The following PPP2R2C variants were observed in gnomAD, a reference collection of about 807,000 sequenced individuals.
PPP2R2C encodes protein phosphatase 2, regulatory subunit B, gamma.
PPP2R2C carries 10 observed loss-of-function variants against 45.3 expected under a neutral mutation model. The ratio of observed to expected loss-of-function variants is 0.22; its 90% CI spans 0.14 to 0.37. PPP2R2C has a LOEUF of 0.37. PPP2R2C is among the 10% of genes least tolerant of loss of function. The pLI, the probability that PPP2R2C is intolerant of heterozygous loss-of-function variation, is 1.00. For synonymous variants in PPP2R2C, 257 were observed against 245.4 expected (o/e 1.05, Z -0.44); for missense variants, 308 against 619.7 (o/e 0.50, Z 5.34).
At chr4:6,346,829 C>T (rs367622133) in intron 6 of PPP2R2C, among the ~76,000 whole-genome samples, 19 of 152,186 alleles carry the variant, frequency 1.2e-4, no homozygotes, top group African/African-American at 3.4e-4. Flanking sequence ...CCTCTGCCGC[C>T]GGCACCCAGG....
chr4:6,436,822 A>T (rs78707679), intron 1 of PPP2R2C, among the ~76,000 whole-genome samples: 90 of 152,366 alleles, frequency 5.9e-4, no homozygotes, highest in African/African-American at 2.1e-3. Flanking sequence ...CTTTATTCAC[A>T]AAAACAGGAG....
chr4:6,456,931 G>T (rs768162258), intron 1 of PPP2R2C, among the ~76,000 whole-genome samples: 1 of 152,164 alleles, frequency 6.6e-6, no homozygotes, highest in African/African-American at 2.4e-5. Context: ...GCATGAGCCA[G>T]GTGCGGTGGC....
In PPP2R2C at chr4:6,345,534, C is replaced by T. The variant is rs866215930; in HGVS notation, c.790+2312G>A. Among the ~76,000 whole-genome samples the T allele has an allele frequency of 6.6e-6, 1 of 152,174 alleles. No individual in the cohort carries two copies. Among genetic ancestry groups the T allele is most frequent in the Non-Finnish European group, 1.5e-5 (1 of 68,038 alleles). On this transcript the variant is annotated intron_variant, in intron 6 of 8. Coordinates refer to ENST00000382599, the MANE Select transcript of PPP2R2C (RefSeq NM_020416.4). The surrounding 1 kb of genome is among the most constrained non-coding windows in gnomAD (Gnocchi z 5.3). ...CACAAGGGCCTTTATACGCGAAAGA[C>T]AGACAGGAGGGTCAGAGACGTGAGA...
At position 6,517,471 on chromosome 4, in the gene PPP2R2C, A is replaced by G. The variant is rs116970454; in HGVS notation, c.49+17800T>C. ...CAGAAGCCACATGAAGATCTCAGTGACAGTGGAAATTGGCATGTGCAAAGT... is the reference window on the plus strand; with the variant it reads ...CAGAAGCCACATGAAGATCTCAGTGGCAGTGGAAATTGGCATGTGCAAAGT... On this transcript the variant is annotated intron_variant, in intron 2 of 9. Coordinates refer to the PPP2R2C transcript ENST00000506140. 9.1e-4 allele frequency among the ~76,000 whole-genome samples: 138 copies of G among 152,154 alleles called. 3 individuals carry two copies. In the East Asian group the frequency reaches 0.024, roughly 26 times the overall value.
intron 1 of PPP2R2C, among the ~76,000 whole-genome samples, chr4:6,438,044 TG>T (rs1425720898): frequency 6.6e-6 from 1 of 152,258 alleles, no homozygotes; most frequent in Non-Finnish European, 1.5e-5. Context: ...AGTGGTTTCA[TG>T]GGTCTTTGCC....
chr4:6,480,915 G>C (rs549469974), intron 2 of PPP2R2C, among the ~76,000 whole-genome samples: 2 of 152,334 alleles, frequency 1.3e-5, no homozygotes, highest in East Asian at 3.9e-4. Context: ...TAGTGTTTGG[G>C]AATCTTTCCA....
intron 1 of PPP2R2C, among the ~76,000 whole-genome samples, chr4:6,432,089 A>G (rs567555270): frequency 6.6e-6 from 1 of 152,256 alleles, no homozygotes; most frequent in East Asian, 1.9e-4. Context: ...CTTAATTTCA[A>G]TATACGAATT....
At chr4:6,543,713 C>T (rs374397388) in intron 1 of PPP2R2C, among the ~76,000 whole-genome samples, 2 of 152,304 alleles carry the variant, frequency 1.3e-5, no homozygotes, top group East Asian at 1.9e-4. Flanking sequence ...AGCGTGAGCG[C>T]GGAGTGCCAG....
At chr4:6,355,331 A>G (rs1483850840) in intron 5 of PPP2R2C, among the ~76,000 whole-genome samples, 1 of 152,006 alleles carries the variant, frequency 6.6e-6, no homozygotes, top group African/African-American at 2.4e-5. Context: ...AACAGTCCCC[A>G]GAGTGTGATA....
At chr4:6,562,115 G>T (rs1189618319) in intron 1 of PPP2R2C, among the ~76,000 whole-genome samples, 1 of 152,210 alleles carries the variant, frequency 6.6e-6, no homozygotes, top group Non-Finnish European at 1.5e-5. Context: ...GACACATTCA[G>T]GGGCCTGGAG....
intron 1 of PPP2R2C, among the ~76,000 whole-genome samples, chr4:6,411,332 G>A (rs1718177238): frequency 6.6e-6 from 1 of 152,100 alleles, no homozygotes; most frequent in South Asian, 2.1e-4. Flanking sequence ...CCTGCTGCCA[G>A]CCTCACAGGG....
intron 6 of PPP2R2C, among the ~76,000 whole-genome samples, chr4:6,336,657 C>T (rs867106935): frequency 2.1e-4 from 1 of 4,698 alleles, no homozygotes; most frequent in Admixed American, 1.6e-3. Context: ...CCCTCCCTCC[C>T]TCCCTCCCTG....
intron 2 of PPP2R2C, among the ~76,000 whole-genome samples, chr4:6,527,739 C>T (rs1416829835): frequency 2.0e-5 from 3 of 152,104 alleles, no homozygotes; most frequent in Non-Finnish European, 2.9e-5. Context: ...GGGCCCCAGC[C>T]GGGAACAGAG....
At chr4:6,535,183 C>G (rs760040784) in intron 2 of PPP2R2C, 1,172 of 1,416,696 alleles carry the variant, frequency 8.3e-4, no homozygotes, top group Non-Finnish European at 1.1e-3. Context: ...CGCTGTCAGG[C>G]TGGCGCTGTG....
At position 6,378,393 on chromosome 4, in the gene PPP2R2C, G is replaced by A. The variant is rs376854021; in HGVS notation, c.334+14C>T. 9.0e-5 allele frequency: 146 copies of A among 1,613,952 alleles called. No individual in the cohort carries two copies. The highest frequency in any genetic ancestry group is 2.3e-4 in the African/African-American group (17 of 74,932). ...GGCCTGTGCCCATGCAAGCGAGGCCGGGCAGCGCCTCACCGTTGGTGGACA... is the reference window on the plus strand; with the variant it reads ...GGCCTGTGCCCATGCAAGCGAGGCCAGGCAGCGCCTCACCGTTGGTGGACA... On this transcript the variant is annotated intron_variant, in intron 3 of 8. Transcript: ENST00000382599. This position sits in a 1 kb window ranked among gnomAD's most constrained non-coding sequence, Gnocchi z 5.2.
chr4:6,354,452 G>A (rs984129021), intron 5 of PPP2R2C, among the ~76,000 whole-genome samples: 9 of 152,050 alleles, frequency 5.9e-5, no homozygotes, highest in East Asian at 1.9e-4. Context: ...CCCTGCAGTC[G>A]GCTCCAGGGC....
At chr4:6,525,040 G>A (rs1159429126) in intron 2 of PPP2R2C, among the ~76,000 whole-genome samples, 1 of 152,002 alleles carries the variant, frequency 6.6e-6, no homozygotes, top group Non-Finnish European at 1.5e-5. Context: ...GAGCTATGAA[G>A]GTGCCACTGC....
intron 6 of PPP2R2C, among the ~76,000 whole-genome samples, chr4:6,342,081 TACACACACACACACACACACAC>T (rs58305750): frequency 3.6e-5 from 5 of 139,716 alleles, no homozygotes; most frequent in Admixed American, 1.4e-4. Context: ...TCTGCCACGA[TACACACACACACACACACACAC>T]ACACACACAC....
intron 1 of PPP2R2C, among the ~76,000 whole-genome samples, chr4:6,425,656 T>A (rs1332482103): frequency 6.6e-6 from 1 of 152,150 alleles, no homozygotes; most frequent in Non-Finnish European, 1.5e-5. Flanking sequence ...TTCCCCTTCA[T>A]CACGTGCAGG....
Sources: gnomAD v4.1 joint callset for allele counts (sites outside exome capture counted in the v4.1 genomes callset) on GRCh38, gnomAD v4.1.1 for gene constraint, Gnocchi (gnomAD v3.1) non-coding constraint, MANE v1.5 for transcripts, NCBI Gene and HGNC (gene_info 2026-07-23, HGNC 2026-07-21) for gene names.